The following RUNX1 variants were observed in gnomAD, a reference collection of about 807,000 sequenced individuals.
RUNX1 encodes the protein RUNX family transcription factor 1, also known as runt-related transcription factor 1.
In RUNX1, 19 loss-of-function variants were observed where a neutral mutation model predicts 42.8. That is an observed-to-expected ratio of 0.44 (90% CI 0.31 to 0.65). The LOEUF (loss-of-function observed/expected upper bound fraction) is 0.65, where lower values mean the gene tolerates loss of function less well. Among genes scored for constraint, RUNX1 ranks in the 30% least tolerant of loss-of-function variants. The pLI is 0.07. For missense variants in RUNX1, 528 were observed against 672.0 expected, an observed-to-expected ratio of 0.79 and a Z score of 2.37; for synonymous variants, 271 against 289.4, an observed-to-expected ratio of 0.94 and a Z score of 0.64.
intron 2 of RUNX1, among the ~76,000 whole-genome samples, chr21:34,925,267 T>C (rs2058384632): frequency 6.6e-6 from 1 of 152,194 alleles, no homozygotes; most frequent in Admixed American, 6.5e-5. Context: ...GTGAGTTTAT[T>C]TTCACTTCCT....
intron 7 of RUNX1, among the ~76,000 whole-genome samples, chr21:34,807,781 G>A (rs1454786099): frequency 6.6e-6 from 1 of 152,184 alleles, no homozygotes; most frequent in African/African-American, 2.4e-5. Context: ...GGGACCCCTG[G>A]GAAGAAAGGC....
intron 2 of RUNX1, among the ~76,000 whole-genome samples, chr21:34,923,267 C>T (rs1008137377): frequency 6.6e-6 from 1 of 152,190 alleles, no homozygotes; most frequent in Admixed American, 6.5e-5. Flanking sequence ...TCTTGTGCAA[C>T]AGTAAAGATG....
At chr21:34,865,238 T>C (rs2057640300) in intron 5 of RUNX1, among the ~76,000 whole-genome samples, 1 of 151,128 alleles carries the variant, frequency 6.6e-6, no homozygotes, top group Non-Finnish European at 1.5e-5. Context: ...GAGCTGGGGA[T>C]GAAGTAGGCA....
intron 3 of RUNX1, chr21:34,889,797 G>A (rs1486524691): frequency 8.9e-7 from 1 of 1,129,236 alleles, no homozygotes; most frequent in Non-Finnish European, 1.1e-6. Flanking sequence ...CTCCGACCCC[G>A]CCCGGCGGGG....
chr21:34,885,243 T>G (rs1337435505), intron 4 of RUNX1, among the ~76,000 whole-genome samples: 1 of 152,200 alleles, frequency 6.6e-6, no homozygotes, highest in African/African-American at 2.4e-5. Flanking sequence ...TTGGTGGTTA[T>G]CAGCCCGTCT....
intron 2 of RUNX1, among the ~76,000 whole-genome samples, chr21:35,040,556 G>A (rs1250601640): frequency 5.9e-5 from 9 of 151,780 alleles, no homozygotes; most frequent in African/African-American, 1.9e-4. Flanking sequence ...GGCAGATCAC[G>A]AGGTCGGGAG....
At chr21:34,862,151 CA>C (rs893385647) in intron 5 of RUNX1, among the ~76,000 whole-genome samples, 6 of 151,984 alleles carry the variant, frequency 3.9e-5, no homozygotes, top group African/African-American at 1.2e-4. Flanking sequence ...GTGGTTCTTT[CA>C]GCAAGAGAGT....
At chr21:34,866,479 A>T (rs2057663751) in intron 5 of RUNX1, among the ~76,000 whole-genome samples, 1 of 152,240 alleles carries the variant, frequency 6.6e-6, no homozygotes, top group Admixed American at 6.5e-5. Context: ...AAGTATAAAA[A>T]TTAACGTACC....
intron 3 of RUNX1, among the ~76,000 whole-genome samples, chr21:34,890,087 CG>C (rs1779412279): frequency 6.6e-6 from 1 of 152,138 alleles, no homozygotes; most frequent in African/African-American, 2.4e-5. Context: ...GGACTGTCCC[CG>C]GGCGTTGCCG....
intron 8 of RUNX1, among the ~76,000 whole-genome samples, chr21:34,793,377 A>G (rs2056478257): frequency 6.6e-6 from 1 of 152,222 alleles, no homozygotes; most frequent in South Asian, 2.1e-4. Context: ...GTGCAATAGT[A>G]TATACTATAA....
chr21:34,935,946 A>C (rs1200716923), intron 2 of RUNX1, among the ~76,000 whole-genome samples: 1 of 152,222 alleles, frequency 6.6e-6, no homozygotes, highest in Non-Finnish European at 1.5e-5. Flanking sequence ...CAGTTGGTAT[A>C]CACAACAGTA....
At chr21:34,920,788 G>GC (rs1569105356) in intron 2 of RUNX1, among the ~76,000 whole-genome samples, 1 of 151,990 alleles carries the variant, frequency 6.6e-6, no homozygotes, top group East Asian at 1.9e-4. Context: ...ATTTTTTCAT[G>GC]TTTTTTCTAG....
At chr21:34,888,574 C>T (rs1213720956) in intron 3 of RUNX1, 30 of 1,061,984 alleles carry the variant, frequency 2.8e-5, no homozygotes, top group Non-Finnish European at 3.4e-5. Flanking sequence ...TGACTTCCTT[C>T]TGGCGTCCCT....
chr21:35,025,790 G>A (rs2059231309), intron 2 of RUNX1, among the ~76,000 whole-genome samples: 1 of 152,066 alleles, frequency 6.6e-6, no homozygotes, highest in South Asian at 2.1e-4. Context: ...TTGCTCAATA[G>A]GAAAGTTAGC....
At chr21:34,889,100 G>A (rs2058042694) in intron 3 of RUNX1, among the ~76,000 whole-genome samples, 1 of 151,334 alleles carries the variant, frequency 6.6e-6, no homozygotes, top group South Asian at 2.1e-4. Context: ...GAGAGGCCCG[G>A]CCCCGCGAGC....
chr21:34,792,309 G>GGGGGGGGGGGCCCC lies in RUNX1; in HGVS notation c.1268_1269insGGGGCCCCCCCCCC (p.Ser424GlyfsTer175). 6.5e-7 allele frequency: 1 copy of GGGGGGGGGGGCCCC among 1,542,486 alleles called. No individual in the cohort carries two copies. Among genetic ancestry groups the GGGGGGGGGGGCCCC allele is most frequent in the Non-Finnish European group, 8.7e-7 (1 of 1,145,404 alleles). On this transcript the variant is annotated frameshift_variant, in exon 9 of 9. Transcript: ENST00000675419. LOFTEE classifies it high-confidence loss of function. The surrounding 1 kb of genome is among the most constrained non-coding windows in gnomAD (Gnocchi z 6.9). ...AGGGCGGCAGGATGCGCGGCGGCGA[G>GGGGGGGGGGGCCCC]CGCTCGCCGCCCACCATGGAGAACT...
intron 2 of RUNX1, among the ~76,000 whole-genome samples, chr21:35,009,589 G>A (rs1014627829): frequency 5.3e-5 from 8 of 152,196 alleles, no homozygotes; most frequent in Non-Finnish European, 1.2e-4. Context: ...GGAGATCAAG[G>A]TGGTTCAAAG....
chr21:34,995,557 C>T (rs2058988511), intron 2 of RUNX1, among the ~76,000 whole-genome samples: 1 of 150,890 alleles, frequency 6.6e-6, no homozygotes. Context: ...CCTCCTGCCT[C>T]AGCCTCTCAA....
chr21:34,829,861 T>G (rs2057038872), intron 7 of RUNX1: 1 of 152,220 alleles, frequency 6.6e-6, no homozygotes, highest in Non-Finnish European at 1.5e-5. Context: ...CCTCCAAGGC[T>G]GGAAAGAGGA....
Sources: allele counts gnomAD v4.1 joint callset (sites outside exome capture counted in the v4.1 genomes callset), GRCh38; gene constraint gnomAD v4.1.1; non-coding constraint Gnocchi (gnomAD v3.1); transcripts MANE v1.5; gene names NCBI Gene and HGNC (gene_info 2026-07-23, HGNC 2026-07-21).